The following NXPE2 variants were observed in gnomAD, a reference collection of about 807,000 sequenced individuals.
NXPE2 encodes the protein NXPE family member 2.
Under a neutral mutation model 34.4 loss-of-function variants are expected in NXPE2, and 34 were observed. The observed-to-expected ratio is 0.99, with a 90% CI of 0.75 to 1.31. The LOEUF (loss-of-function observed/expected upper bound fraction) is 1.31, where lower values mean the gene tolerates loss of function less well. Ranked by LOEUF, NXPE2 falls within the 40% of genes most tolerant of loss-of-function variation. NXPE2 has a pLI of 0.00. For synonymous variants in NXPE2, 235 were observed against 231.3 expected (o/e 1.02, Z -0.15); for missense variants, 649 against 672.5 (o/e 0.97, Z 0.39).
At chr11:114,742,925 C>A in the NXPE2 span, among the ~76,000 whole-genome samples, 1 of 152,098 alleles carries the variant, frequency 6.6e-6, no homozygotes, top group African/African-American at 2.4e-5. Context: ...TCACTTTGAA[C>A]CCAATGTGGC....
chr11:114,693,263 T>C (rs1951186794), intron 2 of NXPE2, among the ~76,000 whole-genome samples: 1 of 151,998 alleles, frequency 6.6e-6, no homozygotes, highest in South Asian at 2.1e-4. Flanking sequence ...CCCATATTTG[T>C]GGCTGGAGGA....
the NXPE2 span, among the ~76,000 whole-genome samples, chr11:114,630,120 C>CCA: frequency 6.6e-6 from 1 of 151,724 alleles, no homozygotes; most frequent in Admixed American, 6.6e-5. Context: ...AGATTCAATG[C>CCA]TGTACCCATC....
chr11:114,644,508 A>G, the NXPE2 span, among the ~76,000 whole-genome samples: 1 of 152,324 alleles, frequency 6.6e-6, no homozygotes, highest in South Asian at 2.1e-4. Flanking sequence ...CAGTAATAAT[A>G]ACTTACTAAA....
At chr11:114,640,392 G>A in the NXPE2 span, among the ~76,000 whole-genome samples, 6 of 150,138 alleles carry the variant, frequency 4.0e-5, no homozygotes, top group East Asian at 1.9e-4. Flanking sequence ...TCATGTGTTC[G>A]TCAGTTGTGA....
chr11:114,638,150 G>A, the NXPE2 span, among the ~76,000 whole-genome samples: 1 of 151,762 alleles, frequency 6.6e-6, no homozygotes, highest in African/African-American at 2.4e-5. Context: ...TTTCTCGGAG[G>A]CTTTGTTCAT....
chr11:114,702,307 A>G lies in NXPE2; in HGVS notation c.867-1684A>G, dbSNP rs112594665. ...ATGAATTCCTTTATAACATTAATAC[A>G]TGGTTTTAATCCTAATTTTAATGTA... is the stretch of plus-strand genomic sequence containing the variant. On this transcript the variant is annotated intron_variant, in intron 3 of 5. Coordinates refer to ENST00000389586, the MANE Select transcript of NXPE2 (RefSeq NM_182495.6). 5.9e-3 allele frequency among the ~76,000 whole-genome samples: 902 copies of G among 151,654 alleles called. 4 individuals are homozygous for G. The highest frequency in any genetic ancestry group is 9.2e-3 in the Non-Finnish European group (627 of 67,886).
the NXPE2 span, among the ~76,000 whole-genome samples, chr11:114,810,955 A>T: frequency 6.6e-6 from 1 of 152,026 alleles, no homozygotes; most frequent in Admixed American, 6.6e-5. Flanking sequence ...CCAACGATAG[A>T]CTGGATTAAG....
the NXPE2 span, chr11:114,554,203 G>A: frequency 4.1e-6 from 4 of 982,758 alleles, no homozygotes; most frequent in Non-Finnish European, 4.8e-6. Context: ...GAAACTTGTA[G>A]CTGGACATGT....
At chr11:114,755,905 A>G in the NXPE2 span, among the ~76,000 whole-genome samples, 14,367 of 152,194 alleles carry the variant, frequency 0.094, 739 homozygotes, top group Middle Eastern at 0.13. Context: ...TACTTTTATG[A>G]CAAGGTATCC....
chr11:114,584,934 C>T, the NXPE2 span, among the ~76,000 whole-genome samples: 2 of 152,064 alleles, frequency 1.3e-5, no homozygotes, highest in African/African-American at 4.8e-5. Context: ...GCATAAAAGG[C>T]GCCAGGTCTG....
At chr11:114,608,872 C>T in the NXPE2 span, among the ~76,000 whole-genome samples, 59 of 143,466 alleles carry the variant, frequency 4.1e-4, no homozygotes, top group South Asian at 5.6e-3. Flanking sequence ...CACTCTTACC[C>T]GGTGGATACC....
chr11:114,618,307 T>G, the NXPE2 span, among the ~76,000 whole-genome samples: 7 of 151,450 alleles, frequency 4.6e-5, no homozygotes, highest in African/African-American at 1.7e-4. Context: ...CTGTTATCTG[T>G]TGGATAATAG....
At chr11:114,775,009 A>T in the NXPE2 span, among the ~76,000 whole-genome samples, 1 of 152,252 alleles carries the variant, frequency 6.6e-6, no homozygotes, top group Non-Finnish European at 1.5e-5. Context: ...ATGAAATTAT[A>T]GTAAGTCCTA....
At chr11:114,465,016 T>C in the NXPE2 span, among the ~76,000 whole-genome samples, 4 of 152,176 alleles carry the variant, frequency 2.6e-5, no homozygotes, top group African/African-American at 4.8e-5. Flanking sequence ...TCCCACCACA[T>C]TGGCAAATAT....
At chr11:114,648,886 C>A in the NXPE2 span, among the ~76,000 whole-genome samples, 1 of 151,932 alleles carries the variant, frequency 6.6e-6, no homozygotes, top group Non-Finnish European at 1.5e-5. Context: ...GTGAACAGTA[C>A]TTAAATACTA....
At chr11:114,592,570 G>A in the NXPE2 span, among the ~76,000 whole-genome samples, 2 of 151,518 alleles carry the variant, frequency 1.3e-5, no homozygotes, top group Non-Finnish European at 2.9e-5. Context: ...CATGTTAATG[G>A]GTTAGAAGAA....
the NXPE2 span, among the ~76,000 whole-genome samples, chr11:114,567,311 C>T: frequency 2.6e-5 from 4 of 151,994 alleles, no homozygotes; most frequent in Non-Finnish European, 5.9e-5. Flanking sequence ...CCTAGGCCCT[C>T]ACCTACTTGT....
the NXPE2 span, among the ~76,000 whole-genome samples, chr11:114,537,177 A>C: frequency 6.6e-6 from 1 of 152,216 alleles, no homozygotes; most frequent in African/African-American, 2.4e-5. Flanking sequence ...CAAAGACAAA[A>C]ACCAGATGAT....
At chr11:114,594,634 T>C in the NXPE2 span, 5 of 1,424,672 alleles carry the variant, frequency 3.5e-6, no homozygotes, top group Non-Finnish European at 4.9e-6. Context: ...AATAAGCTTC[T>C]GTAAACCACA....
Sources: gnomAD v4.1 joint callset for allele counts (sites outside exome capture counted in the v4.1 genomes callset) on GRCh38, gnomAD v4.1.1 for gene constraint, MANE v1.5 for transcripts, NCBI Gene and HGNC (gene_info 2026-07-23, HGNC 2026-07-21) for gene names.